The following SIMC1 variants were observed in gnomAD, a reference collection of about 807,000 sequenced individuals.
SIMC1 encodes SUMO interacting motifs containing 1, also known as SUMO-interacting motif-containing protein 1.
Under a neutral mutation model 82.3 loss-of-function variants are expected in SIMC1, and 55 were observed. The ratio of observed to expected loss-of-function variants is 0.67; its 90% CI spans 0.54 to 0.84. The LOEUF (loss-of-function observed/expected upper bound fraction) is 0.84. SIMC1 is among the 40% of genes least tolerant of loss of function. The pLI is 0.00. For synonymous variants in SIMC1, 353 were observed against 426.3 expected (o/e 0.83, Z 2.12); for missense variants, 915 against 1,107.2 (o/e 0.83, Z 2.46).
At position 176,309,327 on chromosome 5, in the gene SIMC1, GA is replaced by G. The variant is rs1258782775; in HGVS notation, c.1735-4358del. On this transcript the variant is annotated intron_variant, in intron 4 of 9. Coordinates refer to ENST00000429602, the MANE Select transcript of SIMC1 (RefSeq NM_001308195.2). ...AGCAATTAGACACCCATAGCAAGGAGAAAAAAGAACCTCTACTTAAACCTCA... is the reference window on the plus strand; with the variant it reads ...AGCAATTAGACACCCATAGCAAGGAGAAAAAGAACCTCTACTTAAACCTCA... Among the ~76,000 whole-genome samples the G allele has an allele frequency of 4.6e-5, 7 of 152,190 alleles. No individual in the cohort carries two copies. The East Asian group carries it at 1.4e-3, about 29-fold the overall frequency.
In SIMC1 at chr5:176,246,942, T is replaced by C. The variant is rs1217105030; in HGVS notation, c.129+8305T>C. ...TGTCCCTCCAAAGGACATGAACTTA[T>C]CCTTTTTTATGGCTGCATAGTATTC... On this transcript the variant is annotated intron_variant, in intron 1 of 9. Transcript: ENST00000429602. Among the ~76,000 whole-genome samples the C allele has an allele frequency of 2.6e-5, 4 of 152,130 alleles. No individual in the cohort carries two copies. The East Asian group carries it at 5.8e-4, about 22-fold the overall frequency.
chr5:176,258,519 A>G (rs566224272), intron 1 of SIMC1, among the ~76,000 whole-genome samples: 191 of 150,442 alleles, frequency 1.3e-3, no homozygotes, highest in African/African-American at 4.5e-3. Context: ...ATATAATTCT[A>G]TTTTTTAAAC....
At chr5:176,298,786 A>C (rs1413128652) in intron 4 of SIMC1, among the ~76,000 whole-genome samples, 1 of 152,230 alleles carries the variant, frequency 6.6e-6, no homozygotes, top group Non-Finnish European at 1.5e-5. Context: ...ATGTGATCTC[A>C]TTGGTAACTT....
At chr5:176,273,816 C>T (rs368867545) in intron 1 of SIMC1, among the ~76,000 whole-genome samples, 21,360 of 152,024 alleles carry the variant, frequency 0.14, 1,518 homozygotes, top group Middle Eastern at 0.2. Flanking sequence ...CATCCATGTC[C>T]CTACAAAGGA....
At chr5:176,322,166 T>C in intron 5 of SIMC1, 107 bp from the exon 6 acceptor site, 2 of 1,342,832 alleles carry the variant, frequency 1.5e-6, no homozygotes, top group South Asian at 1.6e-5. Flanking sequence ...AGGCTATAGT[T>C]CTGAGCACCA....
At chr5:176,319,340 G>A (rs1430660942) in intron 5 of SIMC1, among the ~76,000 whole-genome samples, 1 of 152,046 alleles carries the variant, frequency 6.6e-6, no homozygotes, top group Non-Finnish European at 1.5e-5. Flanking sequence ...ATTTCCAAGA[G>A]CCCTTTTATT....
rs1234963276 is a variant in SIMC1 at position 176,289,699 on chromosome 5, C to T, written c.175C>T (p.Arg59Cys). Residue 59 changes from arginine (R) to cysteine (C), a missense_variant, in exon 2 of 10, where the codon CGC (arginine) becomes TGC (cysteine). Arg to Cys is a radical substitution (Grantham distance 180). Transcript: ENST00000429602. ...TRETRPRTKD[R>C]SGLYVIDLTR... ...AGAGACCAGACCAAGGACAAAAGATCGCAGTGGACTGTATGTGATTGACCT... is the reference window on the plus strand; with the variant it reads ...AGAGACCAGACCAAGGACAAAAGATTGCAGTGGACTGTATGTGATTGACCT... The T allele has an allele frequency of 3.1e-6, 5 of 1,611,588 alleles. No individual in the cohort carries two copies. The highest frequency in any genetic ancestry group is 1.7e-5 in the Admixed American group (1 of 59,518).
intron 1 of SIMC1, among the ~76,000 whole-genome samples, chr5:176,271,539 G>A (rs1460979450): frequency 6.6e-6 from 1 of 152,086 alleles, no homozygotes; most frequent in Non-Finnish European, 1.5e-5. Flanking sequence ...GACTCATGGT[G>A]ATAGTGAGTA....
intron 1 of SIMC1, among the ~76,000 whole-genome samples, chr5:176,276,670 T>A (rs1212954914): frequency 7.0e-6 from 1 of 143,864 alleles, no homozygotes; most frequent in Admixed American, 7.0e-5. Context: ...ATTGTTCAAT[T>A]CCCACCTATG....
intron 1 of SIMC1, among the ~76,000 whole-genome samples, chr5:176,281,428 C>T (rs187795232): frequency 7.2e-5 from 11 of 152,180 alleles, no homozygotes; most frequent in African/African-American, 2.4e-4. Context: ...TCTCTCAACT[C>T]GTCAAAGTCA....
chr5:176,263,522 A>G (rs907516884), intron 1 of SIMC1: 4 of 1,454,774 alleles, frequency 2.7e-6, no homozygotes, highest in South Asian at 3.0e-5. Flanking sequence ...ATGGTGAGAG[A>G]AGGAGGAAGA....
intron 3 of SIMC1, 133 bp from the exon 4 acceptor site, chr5:176,296,118 A>T: frequency 1.4e-6 from 2 of 1,472,004 alleles, no homozygotes; most frequent in Non-Finnish European, 1.8e-6. Context: ...ACATGGTATG[A>T]TACCAGAAAG....
At chr5:176,256,305 A>G (rs1013876632) in intron 1 of SIMC1, among the ~76,000 whole-genome samples, 6 of 152,202 alleles carry the variant, frequency 3.9e-5, no homozygotes, top group Non-Finnish European at 7.3e-5. Flanking sequence ...CAATGTGTAT[A>G]TAAATATATA....
chr5:176,260,580 G>T (rs1030920920), intron 1 of SIMC1, among the ~76,000 whole-genome samples: 7 of 150,206 alleles, frequency 4.7e-5, no homozygotes, highest in African/African-American at 1.2e-4. Context: ...TTAAAATACG[G>T]TTTTTTTTCT....
intron 1 of SIMC1, among the ~76,000 whole-genome samples, chr5:176,257,296 G>C (rs558844084): frequency 1.3e-5 from 2 of 152,226 alleles, no homozygotes; most frequent in East Asian, 3.9e-4. Context: ...ATGGATCAAA[G>C]ACTTTTATAT....
At chr5:176,257,565 A>G (rs867778940) in intron 1 of SIMC1, among the ~76,000 whole-genome samples, 2 of 152,168 alleles carry the variant, frequency 1.3e-5, no homozygotes, top group Non-Finnish European at 2.9e-5. Context: ...ATAGCTCATT[A>G]TTGTGAAGAC....
chr5:176,302,142 G>T (rs1464372206), intron 4 of SIMC1, among the ~76,000 whole-genome samples: 1 of 152,190 alleles, frequency 6.6e-6, no homozygotes, highest in African/African-American at 2.4e-5. Flanking sequence ...ATTCAGTGTA[G>T]ATGTAAATTT....
intron 4 of SIMC1, among the ~76,000 whole-genome samples, chr5:176,304,765 C>G (rs933927634): frequency 6.6e-6 from 1 of 151,618 alleles, no homozygotes; most frequent in African/African-American, 2.4e-5. Flanking sequence ...CAGCCGCCAT[C>G]CATCTAGGAA....
At chr5:176,247,904 A>C (rs1319929203) in intron 1 of SIMC1, among the ~76,000 whole-genome samples, 2 of 151,898 alleles carry the variant, frequency 1.3e-5, no homozygotes, top group Non-Finnish European at 2.9e-5. Context: ...TTTGTCAAAG[A>C]TCAGATGGTT....
Sources: gnomAD v4.1 joint callset for allele counts (sites outside exome capture counted in the v4.1 genomes callset) on GRCh38, gnomAD v4.1.1 for gene constraint, MANE v1.5 for transcripts, NCBI Gene and HGNC (gene_info 2026-07-23, HGNC 2026-07-21) for gene names.